Variants in COX19 observed in about 807,000 individuals in gnomAD.
The protein encoded by COX19 is cytochrome c oxidase assembly factor COX19.
Under a neutral mutation model 6.8 loss-of-function variants are expected in COX19, and 8 were observed. The ratio of observed to expected loss-of-function variants is 1.18; its 90% confidence interval spans 0.69 to 2.12. The LOEUF (loss-of-function observed/expected upper bound fraction) is 2.12. COX19 is among the 30% of genes most tolerant of loss of function. The pLI is 0.00. For synonymous variants in COX19, 51 were observed against 38.0 expected (o/e 1.34, Z -1.26); for missense variants, 131 against 104.6 (o/e 1.25, Z -1.10).
Position 975,461 on chromosome 7 carries a change from G to A in COX19, c.49C>T (p.Pro17Ser), listed in dbSNP as rs891692712. The A allele has an allele frequency of 6.2e-7, 1 of 1,601,256 alleles. No individual in the cohort carries two copies. Among genetic ancestry groups the A allele is most frequent in the South Asian group, 1.1e-5 (1 of 89,314 alleles). Reference sequence around the variant, plus strand: ...TCCAGCGGGAAGCTGCCCTTGTCCGGGGGCCGCGGCTGGAAGCTCTTGGTC... The same window carrying A: ...TCCAGCGGGAAGCTGCCCTTGTCCGAGGGCCGCGGCTGGAAGCTCTTGGTC... ...FGTKSFQPRP[P>S]DKGSFPLDHL... The change falls in exon 1 of 3, where the codon CCG (proline) becomes TCG (serine). Residue 17 changes from proline to serine, a missense_variant. Transcript: ENST00000344111.
At chr7:973,945 G>A (rs1399597672) in intron 1 of COX19, among the ~76,000 whole-genome samples, 2 of 152,002 alleles carry the variant, frequency 1.3e-5, no homozygotes, top group Non-Finnish European at 2.9e-5. Flanking sequence ...CAGCCTGGGT[G>A]ACAGAGTGAG....
At chr7:974,647 T>C (rs1847679485) in intron 1 of COX19, among the ~76,000 whole-genome samples, 1 of 151,910 alleles carries the variant, frequency 6.6e-6, no homozygotes, top group Non-Finnish European at 1.5e-5. Flanking sequence ...CACAGATCGT[T>C]TTTCTTTTCT....
rs1334294604 is a variant in COX19 at position 966,150 on chromosome 7, T to G, written c.*3228A>C. On this transcript the variant is annotated 3_prime_UTR_variant, in exon 3 of 3. Transcript: ENST00000344111. ...ATTACAATAATTAATTTTCTTTCTT[T>G]TTTTTTTTTTTTTTTCCTTTGGTGA... 1.8e-5 allele frequency: 2 copies of G among 111,776 alleles called. No individual in the cohort carries two copies. The highest frequency in any genetic ancestry group is 3.5e-5 in the Non-Finnish European group (2 of 57,210). The allele number at this position is 111,776 out of a possible 1,614,324, so 6.9% of individuals were successfully genotyped here. A position where few individuals can be genotyped will look rare whatever the true frequency, so the allele number is the denominator to read the frequency against.
Position 965,074 on chromosome 7 carries a change from A to C in COX19, c.*4304T>G, listed in dbSNP as rs1423094546. The stretch of plus-strand genomic sequence containing the variant: ...GGGAAGCCACTGCACGTTTGTAAGG[A>C]GTCAGGTTGTCCACACAATGGCGCT... On this transcript the variant is annotated 3_prime_UTR_variant, in exon 3 of 3. Coordinates refer to ENST00000344111, the MANE Select transcript of COX19 (RefSeq NM_001031617.3). Among the ~76,000 whole-genome samples, 1 of 152,168 alleles carries C rather than the reference A, an allele frequency of 6.6e-6. No homozygotes were observed. The highest frequency in any genetic ancestry group is 1.9e-4 in the East Asian group (1 of 5,184).
At position 970,221 on chromosome 7, in the gene COX19, G is replaced by A. The variant is rs190671972; in HGVS notation, c.195-765C>T. Among the ~76,000 whole-genome samples the A allele has an allele frequency of 4.5e-4, 67 of 149,506 alleles. No individual in the cohort carries two copies. The East Asian group carries it at 0.011, about 25-fold the overall frequency. On this transcript the variant is annotated intron_variant, in intron 2 of 2. Transcript: ENST00000344111. ...GCAATCTCGGCTCACTGCAGCCTCC[G>A]CCTCCCAGGTCCAGGTGATTCTTGT...
At chr7:974,185 A>G (rs1847671759) in intron 1 of COX19, among the ~76,000 whole-genome samples, 1 of 150,408 alleles carries the variant, frequency 6.6e-6, no homozygotes, top group African/African-American at 2.5e-5. Flanking sequence ...CGACACAGTG[A>G]GAGTCCATTT....
chr7:975,120 C>A (rs1847686842), intron 1 of COX19: 1 of 343,184 alleles, frequency 2.9e-6, no homozygotes, highest in South Asian at 7.2e-5. Context: ...GCCGAATGCC[C>A]CGCTCTGCAA....
chr7:975,158 G>A, intron 1 of COX19: 2 of 396,942 alleles, frequency 5.0e-6, no homozygotes, highest in South Asian at 5.8e-5. Flanking sequence ...CCCGCCGGGT[G>A]AGTCAGGGCG....
Position 967,651 on chromosome 7 carries a change from C to T in COX19, c.*1727G>A, listed in dbSNP as rs960092682. 3.3e-5 allele frequency: 5 copies of T among 152,300 alleles called. No individual in the cohort carries two copies. The highest frequency in any genetic ancestry group is 1.9e-4 in the East Asian group (1 of 5,196). 9.4% of individuals were successfully genotyped at this position (152,300 alleles called of 1,614,324 possible). Reference sequence around the variant, plus strand: ...GGCATGGTCTGTTGTGTTCCCCTCACATCCTGGTTCATTTACTTTTTGAGC... The same window carrying T: ...GGCATGGTCTGTTGTGTTCCCCTCATATCCTGGTTCATTTACTTTTTGAGC... On this transcript the variant is annotated 3_prime_UTR_variant, in exon 3 of 3. Coordinates refer to ENST00000344111, the MANE Select transcript of COX19 (RefSeq NM_001031617.3).
chr7:968,984 G>A lies in COX19; in HGVS notation c.*394C>T, dbSNP rs1467073265. The A allele has an allele frequency of 1.7e-4, 27 of 162,392 alleles. 1 individual carries two copies. In the Admixed American group the frequency reaches 1.7e-3, roughly 10 times the overall value. The allele number at this position is 162,392 out of a possible 1,614,324, so 10.1% of individuals were successfully genotyped here. A position where few individuals can be genotyped will look rare whatever the true frequency, so the allele number is the denominator to read the frequency against. ...ACAAACACGAAAACATCCTGCTAGG[G>A]AATGGTAATTTTCTGATGATATCTG... On this transcript the variant is annotated 3_prime_UTR_variant, in exon 3 of 3. Transcript: ENST00000344111.
Position 969,336 on chromosome 7 carries a change from G to T in COX19, c.*42C>A. ...GAGGCAGGATGATGCCCTCCGTCCT[G>T]AGAGACCACTGAACACGGCCCAGGG... On this transcript the variant is annotated 3_prime_UTR_variant, in exon 3 of 3. Coordinates refer to ENST00000344111, the MANE Select transcript of COX19 (RefSeq NM_001031617.3). 3.2e-6 allele frequency: 4 copies of T among 1,267,898 alleles called. No individual in the cohort carries two copies. Among genetic ancestry groups the T allele is most frequent in the South Asian group, 1.2e-5 (1 of 84,142 alleles). 78.5% of individuals were successfully genotyped at this position (1,267,898 alleles called of 1,614,324 possible). A position where few individuals can be genotyped will look rare whatever the true frequency, so the allele number is the denominator to read the frequency against.
chr7:974,998 C>G (rs184108562), intron 1 of COX19: 1 of 159,466 alleles, frequency 6.3e-6, no homozygotes, highest in Non-Finnish European at 1.4e-5. Flanking sequence ...ACGGAGGCAA[C>G]CCCACCGGAA....
In COX19 at chr7:973,185, C is replaced by A; in HGVS notation, c.190G>T (p.Glu64Ter). The change falls in exon 2 of 3, where the codon GAG becomes TAG. Residue 64 changes from glutamate to a stop codon, truncating the protein, a stop_gained. Coordinates refer to ENST00000344111, the MANE Select transcript of COX19 (RefSeq NM_001031617.3). LOFTEE classifies it high-confidence loss of function. ...ATAACGCTTAGCTGTACTCACCTCT[C>A]CATCCTGCATTCTAAATATTCTTTT... ...ESKEYLECRM[E>*]RKLMLQEPLE... 1 of 1,589,936 alleles carries A rather than the reference C, an allele frequency of 6.3e-7. No homozygotes were observed.
rs56242247 is a variant in COX19 at position 973,312 on chromosome 7, A to T, written c.83-20T>A. 176,622 of 1,564,876 alleles carry T rather than the reference A, an allele frequency of 0.11. 13,734 individuals are homozygous for T. The highest frequency in any genetic ancestry group is 0.39 in the African/African-American group (28,403 of 72,482). ...ATTCACCTAGAACGAGAAAGAAAAC[A>T]GCATGTTCTTTTCAGAGTGAAAAGT... On this transcript the variant is annotated intron_variant, in intron 1 of 2. Transcript: ENST00000344111.
rs2178110 is a variant in COX19 at position 965,486 on chromosome 7, C to T, written c.*3892G>A. 2.6e-5 allele frequency among the ~76,000 whole-genome samples: 4 copies of T among 152,190 alleles called. No individual in the cohort carries two copies. The highest frequency in any genetic ancestry group is 6.5e-5 in the Admixed American group (1 of 15,280). ...CAGGGACGCCCCCAGGTCGGTGCGG[C>T]CTGTGCGGCTCGCTCCCGGCGGTGG... On this transcript the variant is annotated 3_prime_UTR_variant, in exon 3 of 3. Transcript: ENST00000344111.
intron 1 of COX19, among the ~76,000 whole-genome samples, chr7:973,796 T>A (rs1228410702): frequency 6.6e-6 from 1 of 151,830 alleles, no homozygotes; most frequent in African/African-American, 2.4e-5. Context: ...TGAAACCCCA[T>A]CTCTATTAAA....
At chr7:971,646 C>A (rs961783877) in intron 2 of COX19, among the ~76,000 whole-genome samples, 1 of 151,954 alleles carries the variant, frequency 6.6e-6, no homozygotes, top group East Asian at 1.9e-4. Flanking sequence ...CCGAGGTGGG[C>A]GGACCATGAG....
At chr7:974,146 G>C (rs1042823797) in intron 1 of COX19, among the ~76,000 whole-genome samples, 3 of 147,180 alleles carry the variant, frequency 2.0e-5, no homozygotes, top group Non-Finnish European at 4.5e-5. Flanking sequence ...GCAGTGAGTC[G>C]AGATCACACC....
rs1042299957 is a variant in COX19 at position 967,920 on chromosome 7, A to G, written c.*1458T>C. 1 of 152,288 alleles carries G rather than the reference A, an allele frequency of 6.6e-6. No individual in the cohort carries two copies. 9.4% of individuals were successfully genotyped at this position (152,288 alleles called of 1,614,324 possible). Reference sequence around the variant, plus strand: ...CTCCACGGTGGCTGCGTCACGGCTCACGTGCACTGTGAGGACACTGGGGTT... The same window carrying G: ...CTCCACGGTGGCTGCGTCACGGCTCGCGTGCACTGTGAGGACACTGGGGTT... On this transcript the variant is annotated 3_prime_UTR_variant, in exon 3 of 3. Transcript: ENST00000344111.
Sources: gnomAD v4.1 joint callset for allele counts (sites outside exome capture counted in the v4.1 genomes callset) on GRCh38, gnomAD v4.1.1 for gene constraint, MANE v1.5 for transcripts, NCBI Gene and HGNC (gene_info 2026-07-23, HGNC 2026-07-21) for gene names.